The following KIRREL3 variants were observed in gnomAD, a reference collection of about 807,000 sequenced individuals.
KIRREL3 encodes the protein kin of IRRE-like protein 3.
In KIRREL3, 36 loss-of-function variants were observed where a neutral mutation model predicts 89.7. The ratio of observed to expected loss-of-function variants is 0.40; its 90% CI spans 0.31 to 0.53. KIRREL3 has a LOEUF of 0.53. KIRREL3 is among the 20% of genes least tolerant of loss of function. The pLI is 0.49. For synonymous variants in KIRREL3, 445 were observed against 441.4 expected (o/e 1.01, Z -0.10); for missense variants, 864 against 1,056.6 (o/e 0.82, Z 2.53).
At chr11:126,827,081 G>A (rs567550286) in intron 1 of KIRREL3, among the ~76,000 whole-genome samples, 3 of 152,186 alleles carry the variant, frequency 2.0e-5, no homozygotes, top group Non-Finnish European at 2.9e-5. Flanking sequence ...CTGTTTTACT[G>A]CTTGGTATTT....
intron 1 of KIRREL3, among the ~76,000 whole-genome samples, chr11:126,658,065 C>T (rs957621278): frequency 3.9e-5 from 6 of 152,320 alleles, no homozygotes; most frequent in Admixed American, 3.9e-4. Flanking sequence ...CTGGAGGAGT[C>T]GAGTTAGCCC....
chr11:126,812,948 C>T lies in KIRREL3; in HGVS notation c.55+187507G>A, dbSNP rs1472394614. On this transcript the variant is annotated intron_variant, in intron 1 of 16. Coordinates refer to ENST00000525144, the MANE Select transcript of KIRREL3 (RefSeq NM_032531.4). The surrounding 1 kb of genome is among the most constrained non-coding windows in gnomAD (Gnocchi z 5.2). ...GAGGTTGTTGGGCTGCAGTTCACGG[C>T]CCAGGTGAGACCACACTGCAGAACA... Among the ~76,000 whole-genome samples, 1 of 152,156 alleles carries T rather than the reference C, an allele frequency of 6.6e-6. No individual in the cohort carries two copies. Among genetic ancestry groups the T allele is most frequent in the African/African-American group, 2.4e-5 (1 of 41,416 alleles).
intron 1 of KIRREL3, among the ~76,000 whole-genome samples, chr11:126,959,805 T>TA (rs1949030475): frequency 6.6e-6 from 1 of 152,154 alleles, no homozygotes; most frequent in Non-Finnish European, 1.5e-5. Flanking sequence ...TGAATCCCAT[T>TA]AGTCCTCCAG....
In KIRREL3 at chr11:126,454,401, T is replaced by G. The variant is rs144122684; in HGVS notation, c.848+1948A>C. On this transcript the variant is annotated intron_variant, in intron 7 of 16. Coordinates refer to ENST00000525144, the MANE Select transcript of KIRREL3 (RefSeq NM_032531.4). The surrounding 1 kb of genome is among the most constrained non-coding windows in gnomAD (Gnocchi z 5.8). ...GCCTGGCAGTGAGGAGAAACGAAAG[T>G]CGAAAGTTGTGTGTCCTGGTCTCTG... is the stretch of plus-strand genomic sequence containing the variant. Among the ~76,000 whole-genome samples the G allele has an allele frequency of 1.3e-5, 2 of 152,024 alleles. No homozygotes were observed. Among genetic ancestry groups the G allele is most frequent in the East Asian group, 3.9e-4 (2 of 5,142 alleles).
rs1473394331 is a variant in KIRREL3, at chr11:126,796,203, G to A, written c.55+204252C>T. 2.0e-5 allele frequency among the ~76,000 whole-genome samples: 3 copies of A among 149,910 alleles called. No individual in the cohort carries two copies. Among genetic ancestry groups the A allele is most frequent in the African/African-American group, 7.4e-5 (3 of 40,802 alleles). On this transcript the variant is annotated intron_variant, in intron 1 of 16. Coordinates refer to ENST00000525144, the MANE Select transcript of KIRREL3 (RefSeq NM_032531.4). The surrounding 1 kb of genome is among the most constrained non-coding windows in gnomAD (Gnocchi z 5.1). ...GGAAGAAGGGGTTAAAAAAAAAAAA[G>A]GCAAGACACAACATAAAATCAGACT...
Position 126,612,807 on chromosome 11 carries a change from C to T in KIRREL3, c.56-49895G>A, listed in dbSNP as rs1175846012. 1.3e-5 allele frequency among the ~76,000 whole-genome samples: 2 copies of T among 152,234 alleles called. No individual in the cohort carries two copies. Among genetic ancestry groups the T allele is most frequent in the South Asian group, 2.1e-4 (1 of 4,828 alleles). On this transcript the variant is annotated intron_variant, in intron 1 of 16. Coordinates refer to ENST00000525144, the MANE Select transcript of KIRREL3 (RefSeq NM_032531.4). This position sits in a 1 kb window ranked among gnomAD's most constrained non-coding sequence, Gnocchi z 4.5. ...AAGGTTCCATCCCAGTTGCCACATG[C>T]ATCAGTACTTTATTCCTTTGTATGG...
Position 126,843,093 on chromosome 11 carries a change from A to G in KIRREL3, c.55+157362T>C, listed in dbSNP as rs564650759. ...CTGAGGGGCTGGCTCACATTTCTAT[A>G]TAACAGTGTCCTCGTTCTCACCTGC... is the stretch of plus-strand genomic sequence containing the variant. On this transcript the variant is annotated intron_variant, in intron 1 of 16. Coordinates refer to ENST00000525144, the MANE Select transcript of KIRREL3 (RefSeq NM_032531.4). The surrounding 1 kb of genome is among the most constrained non-coding windows in gnomAD (Gnocchi z 4.6). Among the ~76,000 whole-genome samples, 3 of 152,300 alleles carry G rather than the reference A, an allele frequency of 2.0e-5. No individual in the cohort carries two copies. Among genetic ancestry groups the G allele is most frequent in the Admixed American group, 6.5e-5 (1 of 15,304 alleles).
rs890979717 is a variant in KIRREL3, at chr11:126,498,720, C to T, written c.433+22595G>A. ...GTCCATGGGGACAGAGCTGGCCTGG[C>T]GTCCCAGTATCCTGCTTCCTGGGAG... is the stretch of plus-strand genomic sequence containing the variant. On this transcript the variant is annotated intron_variant, in intron 4 of 16. Coordinates refer to ENST00000525144, the MANE Select transcript of KIRREL3 (RefSeq NM_032531.4). The surrounding 1 kb of genome is among the most constrained non-coding windows in gnomAD (Gnocchi z 4.3). 6.6e-5 allele frequency among the ~76,000 whole-genome samples: 10 copies of T among 152,170 alleles called. No individual in the cohort carries two copies. The highest frequency in any genetic ancestry group is 2.1e-4 in the South Asian group (1 of 4,826).
chr11:126,512,530 A>T (rs1168866095), intron 4 of KIRREL3, among the ~76,000 whole-genome samples: 1 of 152,150 alleles, frequency 6.6e-6, no homozygotes, highest in East Asian at 1.9e-4. Flanking sequence ...CAGCCGTATG[A>T]GGGGTAAGTG....
chr11:126,446,963 C>A (rs1004907606), intron 8 of KIRREL3, 77 bp from the exon 9 acceptor site: 11 of 1,524,396 alleles, frequency 7.2e-6, no homozygotes, highest in Middle Eastern at 3.4e-4. Context: ...GCCTCCTTTT[C>A]CCCCTAGACC....
intron 1 of KIRREL3, among the ~76,000 whole-genome samples, chr11:126,824,934 T>A (rs1943354474): frequency 6.6e-6 from 1 of 152,208 alleles, no homozygotes; most frequent in Non-Finnish European, 1.5e-5. Flanking sequence ...GAATTTCCTC[T>A]CCTAGTGGAC....
intron 3 of KIRREL3, among the ~76,000 whole-genome samples, chr11:126,524,942 T>C (rs902400863): frequency 2.0e-5 from 3 of 152,146 alleles, no homozygotes; most frequent in African/African-American, 7.2e-5. Flanking sequence ...ACAGGGCAAG[T>C]ATTTTATCAG....
At chr11:126,673,609 G>C (rs1484151533) in intron 1 of KIRREL3, among the ~76,000 whole-genome samples, 1 of 152,182 alleles carries the variant, frequency 6.6e-6, no homozygotes. Context: ...CTGGCACAGG[G>C]ACTGGGGAAT....
At chr11:126,960,739 T>C (rs1196140213) in intron 1 of KIRREL3, among the ~76,000 whole-genome samples, 2 of 152,238 alleles carry the variant, frequency 1.3e-5, no homozygotes, top group Admixed American at 6.5e-5. Flanking sequence ...AATGTATTTT[T>C]TTTTCACTTA....
chr11:126,936,636 A>T (rs1442242837), intron 1 of KIRREL3: 1 of 152,208 alleles, frequency 6.6e-6, no homozygotes, highest in East Asian at 1.9e-4. Flanking sequence ...AACCATACTA[A>T]GTGAAAGCAA....
At chr11:126,935,986 G>C (rs1184574067) in intron 1 of KIRREL3, 1 of 152,164 alleles carries the variant, frequency 6.6e-6, no homozygotes, top group Non-Finnish European at 1.5e-5. Flanking sequence ...GTCAGGAGCA[G>C]GGTCATATAT....
intron 1 of KIRREL3, among the ~76,000 whole-genome samples, chr11:126,907,732 C>G (rs182284224): frequency 6.6e-6 from 1 of 152,060 alleles, no homozygotes; most frequent in Non-Finnish European, 1.5e-5. Flanking sequence ...ACTGAAGTGA[C>G]GAGATGGACA....
chr11:126,542,215 A>G (rs888313203), intron 2 of KIRREL3, among the ~76,000 whole-genome samples: 4 of 152,134 alleles, frequency 2.6e-5, no homozygotes, highest in African/African-American at 9.7e-5. Context: ...CTGAGCCTGC[A>G]TGGAGAATCA....
intron 1 of KIRREL3, among the ~76,000 whole-genome samples, chr11:126,820,277 C>T (rs2134450801): frequency 6.6e-6 from 1 of 150,952 alleles, no homozygotes; most frequent in South Asian, 2.1e-4. Flanking sequence ...AGGCCTGCTC[C>T]TGAACTTTCT....
Sources: gnomAD v4.1 joint callset for allele counts (sites outside exome capture counted in the v4.1 genomes callset) on GRCh38, gnomAD v4.1.1 for gene constraint, Gnocchi (gnomAD v3.1) non-coding constraint, MANE v1.5 for transcripts, NCBI Gene and HGNC (gene_info 2026-07-23, HGNC 2026-07-21) for gene names.